The following CRLF3 variants were observed in gnomAD, a reference collection of about 807,000 sequenced individuals.
CRLF3 encodes cytokine receptor-like factor 3.
A neutral mutation model predicts 55.0 loss-of-function variants in CRLF3; 33 were observed. That is an observed-to-expected ratio of 0.60 (90% confidence interval 0.46 to 0.80). The LOEUF (loss-of-function observed/expected upper bound fraction) is 0.80, where lower values mean the gene tolerates loss of function less well. Among genes scored for constraint, CRLF3 ranks in the 30% least tolerant of loss-of-function variants. The probability of loss-of-function intolerance (pLI) is 0.00; values close to 1 mark genes in which losing one functional copy is unlikely to be tolerated. For synonymous variants in CRLF3, 238 were observed against 196.8 expected (o/e 1.21, Z -1.75); for missense variants, 494 against 538.4 (o/e 0.92, Z 0.82).
intron 1 of CRLF3, among the ~76,000 whole-genome samples, chr17:30,809,311 C>G (rs35260439): frequency 0.015 from 2,302 of 152,308 alleles, 32 homozygotes; most frequent in Non-Finnish European, 0.023. Flanking sequence ...CCATTTGAAA[C>G]TTGATACCAC....
At chr17:30,816,917 C>A (rs1371397584) in intron 1 of CRLF3, among the ~76,000 whole-genome samples, 1 of 152,132 alleles carries the variant, frequency 6.6e-6, no homozygotes, top group Non-Finnish European at 1.5e-5. Flanking sequence ...AGGTGTGTAG[C>A]AGATGATACC....
Position 30,784,089 on chromosome 17 carries a change from A to T in CRLF3, c.*98T>A. On this transcript the variant is annotated 3_prime_UTR_variant, in exon 8 of 8. Coordinates refer to ENST00000324238, the MANE Select transcript of CRLF3 (RefSeq NM_015986.4). ...TAAACACTTTCCAATGGCCTAAGTT[A>T]GAGATGAATTCAACTTTTTTTTTAA... 2 of 1,068,268 alleles carry T rather than the reference A, an allele frequency of 1.9e-6. No individual in the cohort carries two copies. The highest frequency in any genetic ancestry group is 2.7e-6 in the Non-Finnish European group (2 of 735,416). The allele number at this position is 1,068,268 out of a possible 1,614,324, so 66.2% of individuals were successfully genotyped here. A position where few individuals can be genotyped will look rare whatever the true frequency, so the allele number is the denominator to read the frequency against.
intron 4 of CRLF3, among the ~76,000 whole-genome samples, chr17:30,795,512 G>GA (rs1241006280): frequency 2.5e-5 from 3 of 118,688 alleles, no homozygotes; most frequent in African/African-American, 9.5e-5. Flanking sequence ...AAAAAAAAAA[G>GA]AAAATGTCAG....
At chr17:30,794,660 G>T (rs1971879439) in intron 4 of CRLF3, among the ~76,000 whole-genome samples, 1 of 152,080 alleles carries the variant, frequency 6.6e-6, no homozygotes, top group African/African-American at 2.4e-5. Context: ...TTAGCTGGCT[G>T]TGGAAGCACA....
chr17:30,787,535 C>A (rs867551609), intron 6 of CRLF3: 79 of 140,286 alleles, frequency 5.6e-4, no homozygotes, highest in South Asian at 2.0e-3. Flanking sequence ...TTTGCAAGGA[C>A]AAAAAAAAAA....
At chr17:30,792,339 GACGGAATAA>G in intron 6 of CRLF3, 92 bp downstream of exon 6, 1 of 1,127,420 alleles carries the variant, frequency 8.9e-7, no homozygotes, top group Middle Eastern at 2.1e-4. Flanking sequence ...GCCTATAAAT[GACGGAATAA>G]ACTCAGGATG....
chr17:30,811,783 G>A (rs993069935), intron 1 of CRLF3, among the ~76,000 whole-genome samples: 4 of 127,764 alleles, frequency 3.1e-5, no homozygotes, highest in African/African-American at 1.2e-4. Context: ...CAGCCCAGGG[G>A]ACAGCACGAG....
At chr17:30,819,556 C>A (rs528606742) in intron 1 of CRLF3, among the ~76,000 whole-genome samples, 1 of 152,304 alleles carries the variant, frequency 6.6e-6, no homozygotes, top group South Asian at 2.1e-4. Flanking sequence ...TGGCTCACTG[C>A]AACCTCCGCC....
chr17:30,808,501 T>C (rs137986923), intron 1 of CRLF3, among the ~76,000 whole-genome samples: 2,229 of 152,076 alleles, frequency 0.015, 57 homozygotes, highest in African/African-American at 0.051. Context: ...TTGGTCAGGC[T>C]GGTCTCGAAC....
chr17:30,806,142 G>C (rs562209233), intron 1 of CRLF3, among the ~76,000 whole-genome samples: 1 of 152,284 alleles, frequency 6.6e-6, no homozygotes, highest in East Asian at 1.9e-4. Flanking sequence ...GAGGCCTGTA[G>C]GAGGCAGAGC....
intron 1 of CRLF3, among the ~76,000 whole-genome samples, chr17:30,805,640 G>A (rs1037533314): frequency 6.6e-6 from 1 of 151,504 alleles, no homozygotes; most frequent in Non-Finnish European, 1.5e-5. Context: ...GTTGAACCCG[G>A]GAGGCGAAGG....
chr17:30,796,725 C>CTT (rs750539288), intron 3 of CRLF3, among the ~76,000 whole-genome samples: 5 of 132,256 alleles, frequency 3.8e-5, no homozygotes, highest in Non-Finnish European at 3.3e-5. Flanking sequence ...CAGTGAAACG[C>CTT]TTTTTTTTTT....
chr17:30,803,178 T>A lies in CRLF3; in HGVS notation c.337+723A>T, dbSNP rs551135089. Among the ~76,000 whole-genome samples, 144 of 150,258 alleles carry A rather than the reference T, an allele frequency of 9.6e-4. 1 individual carries two copies. The highest frequency in any genetic ancestry group is 5.5e-3 in the East Asian group (28 of 5,124). ...AAACCCCTGTGTCAAAAAAAAAATA[T>A]ATATATATATATAATTTGATTGACT... is the stretch of plus-strand genomic sequence containing the variant. On this transcript the variant is annotated intron_variant, in intron 2 of 7. Transcript: ENST00000324238.
chr17:30,793,439 T>G lies in CRLF3; in HGVS notation c.826+11A>C. The G allele has an allele frequency of 6.2e-7, 1 of 1,606,868 alleles. No homozygotes were observed. The highest frequency in any genetic ancestry group is 8.5e-7 in the Non-Finnish European group (1 of 1,173,516). On this transcript the variant is annotated intron_variant, in intron 5 of 7. Coordinates refer to ENST00000324238, the MANE Select transcript of CRLF3 (RefSeq NM_015986.4). ...AGTTAGGCTTCAGGAGAGAAAAGGT[T>G]AGCAGCATACCATGAGGCACCAATG...
At chr17:30,790,777 C>G (rs1230639802) in intron 6 of CRLF3, 1 of 151,920 alleles carries the variant, frequency 6.6e-6, no homozygotes, top group Non-Finnish European at 1.5e-5. Context: ...TCACCACACC[C>G]AGCTAATTTT....
At chr17:30,810,817 C>T (rs1904591778) in intron 1 of CRLF3, among the ~76,000 whole-genome samples, 1 of 152,082 alleles carries the variant, frequency 6.6e-6, no homozygotes, top group African/African-American at 2.4e-5. Flanking sequence ...TATGTAGAGG[C>T]CAGGTGCGGT....
intron 1 of CRLF3, among the ~76,000 whole-genome samples, chr17:30,807,758 C>A (rs1024639902): frequency 2.0e-4 from 31 of 151,900 alleles, no homozygotes; most frequent in African/African-American, 7.2e-4. Context: ...TCCTGATCTC[C>A]GGTGATCCAC....
chr17:30,797,207 T>C (rs1046063525), intron 3 of CRLF3, 104 bp downstream of exon 3: 1 of 857,898 alleles, frequency 1.2e-6, no homozygotes, highest in Non-Finnish European at 1.9e-6. Context: ...CCTTGAAATA[T>C]ATATTCTCTA....
At chr17:30,785,826 C>A in intron 7 of CRLF3, 93 bp downstream of exon 7, 2 of 625,420 alleles carry the variant, frequency 3.2e-6, no homozygotes, top group South Asian at 2.3e-5. Flanking sequence ...ATTTTCTCAT[C>A]TCCTACTATA....
Sources: gnomAD v4.1 joint callset for allele counts (sites outside exome capture counted in the v4.1 genomes callset) on GRCh38, gnomAD v4.1.1 for gene constraint, MANE v1.5 for transcripts, NCBI Gene and HGNC (gene_info 2026-07-23, HGNC 2026-07-21) for gene names.